CAPZB: variants seen among roughly 807,000 people sequenced by gnomAD.
CAPZB encodes capping actin protein of muscle Z-line subunit beta, also known as F-actin-capping protein subunit beta.
Under a neutral mutation model 38.1 loss-of-function variants are expected in CAPZB, and 2 were observed. The observed-to-expected ratio is 0.05, with a 90% confidence interval of 0.02 to 0.17. CAPZB has a LOEUF of 0.17. Ranked by LOEUF, CAPZB falls within the 10% of genes least tolerant of loss-of-function variation. The probability of loss-of-function intolerance (pLI) is 1.00; values close to 1 mark genes in which losing one functional copy is unlikely to be tolerated. For missense variants in CAPZB, 161 were observed against 334.2 expected (o/e 0.48, Z 4.04); for synonymous variants, 107 against 127.4 (o/e 0.84, Z 1.08).
intron 1 of CAPZB, 24 bp downstream of exon 1, chr1:19,485,412 G>A (rs1570396859): frequency 8.1e-7 from 1 of 1,228,686 alleles, no homozygotes; most frequent in Non-Finnish European, 1.0e-6. Flanking sequence ...CCCCGGGCCG[G>A]GGAGGGGGCC....
At chr1:19,341,819 G>A (rs1460179563) in intron 8 of CAPZB, among the ~76,000 whole-genome samples, 1 of 152,204 alleles carries the variant, frequency 6.6e-6, no homozygotes, top group African/African-American at 2.4e-5. Flanking sequence ...AAGTCCCACG[G>A]CCTCGGAAAA....
At chr1:19,393,212 A>C (rs2094246898) in intron 2 of CAPZB, among the ~76,000 whole-genome samples, 1 of 152,228 alleles carries the variant, frequency 6.6e-6, no homozygotes, top group Non-Finnish European at 1.5e-5. Context: ...CCACCTCTGC[A>C]ATGAGAAGGC....
At chr1:19,423,900 C>T (rs947316065) in intron 1 of CAPZB, among the ~76,000 whole-genome samples, 1 of 152,126 alleles carries the variant, frequency 6.6e-6, no homozygotes, top group African/African-American at 2.4e-5. Flanking sequence ...TGGTCTCAAA[C>T]GCTTGACCTC....
At chr1:19,404,255 A>T (rs963386771) in intron 2 of CAPZB, among the ~76,000 whole-genome samples, 2,863 of 136,486 alleles carry the variant, frequency 0.021, 197 homozygotes, top group East Asian at 0.12. Context: ...AAAAAAAAAA[A>T]AAATATGGCT....
intron 1 of CAPZB, among the ~76,000 whole-genome samples, chr1:19,462,967 T>C (rs764616879): frequency 4.6e-5 from 7 of 152,202 alleles, no homozygotes; most frequent in Non-Finnish European, 7.3e-5. Context: ...ACAGCCCAGA[T>C]ATAGAACATT....
chr1:19,397,393 A>G (rs2094277251), intron 2 of CAPZB, among the ~76,000 whole-genome samples: 1 of 152,190 alleles, frequency 6.6e-6, no homozygotes, highest in African/African-American at 2.4e-5. Flanking sequence ...CAGGTGAAAA[A>G]AAGAGGCACA....
At chr1:19,373,146 G>C (rs1454516249) in intron 4 of CAPZB, among the ~76,000 whole-genome samples, 1 of 152,172 alleles carries the variant, frequency 6.6e-6, no homozygotes, top group Non-Finnish European at 1.5e-5. Context: ...AAGGGACCTG[G>C]ACGTGAGAAT....
intron 1 of CAPZB, among the ~76,000 whole-genome samples, chr1:19,466,352 C>G (rs1390863407): frequency 6.6e-6 from 1 of 152,200 alleles, no homozygotes; most frequent in African/African-American, 2.4e-5. Context: ...ACAGTGAGAG[C>G]TGAAACCCAA....
rs751601037 is a variant in CAPZB, at chr1:19,344,315, T to A, written c.731+43A>T. On this transcript the variant is annotated intron_variant, in intron 8 of 8. Transcript: ENST00000264202. ...GTAACTGGCAGAGCCAGGGTTCAAA[T>A]CCCTCTGTCTGCTTCTAAAGCTTGT... The A allele has an allele frequency of 2.0e-5, 30 of 1,524,372 alleles. No homozygotes were observed. In the South Asian group the frequency reaches 3.2e-4, roughly 16 times the overall value. The allele number at this position is 1,524,372 out of a possible 1,614,324, so 94.4% of individuals were successfully genotyped here.
At position 19,452,705 on chromosome 1, in the gene CAPZB, C is replaced by T. The variant is rs868511902; in HGVS notation, c.3+32731G>A. 7.2e-5 allele frequency among the ~76,000 whole-genome samples: 11 copies of T among 152,072 alleles called. No individual in the cohort carries two copies. In the South Asian group the frequency reaches 1.2e-3, roughly 17 times the overall value. Reference sequence around the variant, plus strand: ...CAGAAACTCCCCATCTGTTCCTCTGCTCTCCTCTCCACCACACTGCCCTCC... The same window carrying T: ...CAGAAACTCCCCATCTGTTCCTCTGTTCTCCTCTCCACCACACTGCCCTCC... On this transcript the variant is annotated intron_variant, in intron 1 of 8. Transcript: ENST00000264202.
intron 3 of CAPZB, among the ~76,000 whole-genome samples, chr1:19,381,246 A>T (rs965559216): frequency 1.3e-5 from 2 of 151,634 alleles, no homozygotes; most frequent in African/African-American, 4.9e-5. Context: ...AAAAAGCATG[A>T]ATTCTTGCAC....
intron 1 of CAPZB, among the ~76,000 whole-genome samples, chr1:19,450,888 A>G (rs2094513913): frequency 6.6e-6 from 1 of 152,244 alleles, no homozygotes; most frequent in Non-Finnish European, 1.5e-5. Flanking sequence ...AAGGTTATGA[A>G]AAACCCCAGT....
intron 3 of CAPZB, among the ~76,000 whole-genome samples, chr1:19,384,565 G>C (rs978817832): frequency 1.3e-5 from 2 of 152,252 alleles, no homozygotes; most frequent in African/African-American, 4.8e-5. Flanking sequence ...GTGCTGGTTT[G>C]AAGCCCACAC....
intron 6 of CAPZB, among the ~76,000 whole-genome samples, chr1:19,348,769 G>A (rs2093976257): frequency 8.0e-6 from 1 of 125,424 alleles, no homozygotes; most frequent in African/African-American, 3.3e-5. Flanking sequence ...AGGGGGGGGG[G>A]CGGTCTAGGT....
At chr1:19,471,024 G>A (rs1357101690) in intron 1 of CAPZB, among the ~76,000 whole-genome samples, 1 of 152,176 alleles carries the variant, frequency 6.6e-6, no homozygotes, top group African/African-American at 2.4e-5. Flanking sequence ...GTGGATGCCT[G>A]AAACCTTGGA....
chr1:19,460,013 G>C (rs1416514541), intron 1 of CAPZB, among the ~76,000 whole-genome samples: 1 of 148,374 alleles, frequency 6.7e-6, no homozygotes, highest in Non-Finnish European at 1.5e-5. Context: ...ATCCCAAAGA[G>C]AAGTTGCCAA....
intron 1 of CAPZB, among the ~76,000 whole-genome samples, chr1:19,428,498 C>G (rs1405747678): frequency 6.6e-6 from 1 of 151,988 alleles, no homozygotes; most frequent in African/African-American, 2.4e-5. Context: ...TTTGGATTAC[C>G]GTGAAAACAT....
At chr1:19,384,938 A>C (rs1469031377) in intron 3 of CAPZB, among the ~76,000 whole-genome samples, 1 of 152,220 alleles carries the variant, frequency 6.6e-6, no homozygotes, top group Non-Finnish European at 1.5e-5. Flanking sequence ...CACATCATAC[A>C]GTTACCAGTT....
intron 4 of CAPZB, among the ~76,000 whole-genome samples, chr1:19,366,293 T>TATATATATAC (rs1385668858): frequency 1.5e-5 from 1 of 68,920 alleles, no homozygotes; most frequent in African/African-American, 5.1e-5. Flanking sequence ...AATATATATA[T>TATATATATAC]ATATATATAT....
Sources: allele counts gnomAD v4.1 joint callset (sites outside exome capture counted in the v4.1 genomes callset), GRCh38; gene constraint gnomAD v4.1.1; transcripts MANE v1.5; gene names NCBI Gene and HGNC (gene_info 2026-07-23, HGNC 2026-07-21).